Variants in CHRM3 observed in about 807,000 individuals in gnomAD.
CHRM3 encodes muscarinic acetylcholine receptor M3.
CHRM3 carries 11 observed loss-of-function variants against 41.8 expected under a neutral mutation model. The observed-to-expected ratio is 0.26, with a 90% CI of 0.17 to 0.44. CHRM3 has a LOEUF of 0.44. Ranked by LOEUF, CHRM3 falls within the 20% of genes least tolerant of loss-of-function variation. The pLI is 1.00. For synonymous variants in CHRM3, 297 were observed against 301.4 expected (o/e 0.99, Z 0.15); for missense variants, 571 against 745.4 (o/e 0.77, Z 2.72).
intron 5 of CHRM3, among the ~76,000 whole-genome samples, chr1:239,778,378 A>G (rs894628567): frequency 3.3e-5 from 5 of 152,138 alleles, no homozygotes; most frequent in Non-Finnish European, 1.5e-5. Context: ...TACGTCTTAA[A>G]TTTACTTCTG....
intron 4 of CHRM3, among the ~76,000 whole-genome samples, chr1:239,633,261 G>A (rs542695455): frequency 8.1e-4 from 123 of 152,282 alleles, no homozygotes; most frequent in African/African-American, 2.8e-3. Context: ...GTGAGCCACC[G>A]CACCCAGCTA....
chr1:239,813,995 G>A (rs943758726), intron 5 of CHRM3, among the ~76,000 whole-genome samples: 1 of 150,356 alleles, frequency 6.7e-6, no homozygotes, highest in Non-Finnish European at 1.5e-5. Flanking sequence ...GCACCCAGAT[G>A]TCACAATAAT....
chr1:239,910,692 G>A lies in CHRM3; in HGVS notation c.*1468G>A, dbSNP rs1163443181. 1 of 166,200 alleles carries A rather than the reference G, an allele frequency of 6.0e-6. No homozygotes were observed. Among genetic ancestry groups the A allele is most frequent in the Non-Finnish European group, 1.5e-5 (1 of 68,060 alleles). 10.3% of individuals were successfully genotyped at this position (166,200 alleles called of 1,614,324 possible). ...TGCCATCATTGTCGTTGTTGTTGCT[G>A]CTGTAGCTGTTGGGGTTTCTTTTCC... On this transcript the variant is annotated 3_prime_UTR_variant, in exon 7 of 7. Transcript: ENST00000676153.
chr1:239,549,292 G>A (rs1476355188), intron 3 of CHRM3, among the ~76,000 whole-genome samples: 1 of 151,948 alleles, frequency 6.6e-6, no homozygotes, highest in Admixed American at 6.6e-5. Flanking sequence ...TATCTTTGTG[G>A]TTTTATGGTC....
At chr1:239,643,757 C>T (rs534589144) in intron 4 of CHRM3, among the ~76,000 whole-genome samples, 3 of 152,214 alleles carry the variant, frequency 2.0e-5, no homozygotes, top group Non-Finnish European at 4.4e-5. Flanking sequence ...TTGGCTCATG[C>T]ACGGTGCGCT....
intron 1 of CHRM3, among the ~76,000 whole-genome samples, chr1:239,469,770 T>C (rs1938235): frequency 0.23 from 34,278 of 152,014 alleles, 4,386 homozygotes; most frequent in Middle Eastern, 0.35. Flanking sequence ...TTGGCCAGGG[T>C]GGTCCCAAGT....
chr1:239,861,363 T>G (rs975639156), intron 6 of CHRM3, among the ~76,000 whole-genome samples: 4 of 152,042 alleles, frequency 2.6e-5, no homozygotes, highest in African/African-American at 9.7e-5. Flanking sequence ...GGAGTTGAGA[T>G]ATGAAGGATA....
Position 239,443,199 on chromosome 1 carries a change from T to G in CHRM3, c.-520-49510T>G, listed in dbSNP as rs191282912. Reference sequence around the variant, plus strand: ...AATTTACAATATTTGTCTTTGCTCATGTGTGATTACAGTTTTTGGTGTTCA... The same window carrying G: ...AATTTACAATATTTGTCTTTGCTCAGGTGTGATTACAGTTTTTGGTGTTCA... On this transcript the variant is annotated intron_variant, in intron 1 of 6. Transcript: ENST00000676153. Among the ~76,000 whole-genome samples the G allele has an allele frequency of 2.7e-4, 41 of 152,356 alleles. No individual in the cohort carries two copies. The East Asian group carries it at 7.3e-3, about 27-fold the overall frequency.
In CHRM3 at chr1:239,908,364, A is replaced by C; in HGVS notation, c.913A>C (p.Arg305=). ...LQQQSMKRSN[R]RKYGRCHFWF... ...ACAGCAAAGCATGAAACGCTCCAAC[A>C]GGAGGAAGTATGGCCGCTGCCACTT... is the stretch of plus-strand genomic sequence containing the variant. The change falls in exon 7 of 7, where the codon AGG becomes CGG. Residue 305 remains arginine, a synonymous_variant. Coordinates refer to ENST00000676153, the MANE Select transcript of CHRM3 (RefSeq NM_001375978.1). The surrounding 1 kb of genome is among the most constrained non-coding windows in gnomAD (Gnocchi z 7.2). 6.2e-7 allele frequency: 1 copy of C among 1,614,094 alleles called. No homozygotes were observed. Among genetic ancestry groups the C allele is most frequent in the South Asian group, 1.1e-5 (1 of 91,084 alleles).
intron 5 of CHRM3, among the ~76,000 whole-genome samples, chr1:239,814,859 G>A (rs989645830): frequency 2.6e-5 from 4 of 152,046 alleles, no homozygotes; most frequent in Admixed American, 1.3e-4. Flanking sequence ...CTCGGCTCAC[G>A]GCAACCTCTT....
intron 5 of CHRM3, among the ~76,000 whole-genome samples, chr1:239,763,118 T>A (rs1031689058): frequency 1.3e-5 from 2 of 152,202 alleles, no homozygotes; most frequent in African/African-American, 2.4e-5. Context: ...TTTTGCTTTT[T>A]TTGTTTTTCT....
chr1:239,551,254 C>CTA (rs1659796894), intron 3 of CHRM3, among the ~76,000 whole-genome samples: 1 of 149,670 alleles, frequency 6.7e-6, no homozygotes. Flanking sequence ...CCTCCACCTC[C>CTA]CGGGTTCAAG....
At chr1:239,585,017 G>A (rs2148607782) in intron 3 of CHRM3, among the ~76,000 whole-genome samples, 1 of 150,690 alleles carries the variant, frequency 6.6e-6, no homozygotes, top group Non-Finnish European at 1.5e-5. Context: ...TTTGCAACTG[G>A]AAGAGGCAAC....
chr1:239,398,599 T>C (rs1384361786), intron 1 of CHRM3, among the ~76,000 whole-genome samples: 1 of 152,172 alleles, frequency 6.6e-6, no homozygotes, highest in African/African-American at 2.4e-5. Flanking sequence ...ATTGGTATAG[T>C]TAATATGTCT....
intron 5 of CHRM3, among the ~76,000 whole-genome samples, chr1:239,798,052 A>G (rs935208312): frequency 6.6e-6 from 1 of 151,360 alleles, no homozygotes; most frequent in Non-Finnish European, 1.5e-5. Context: ...CTATCTCTAC[A>G]AAAAAAAATG....
At position 239,672,699 on chromosome 1, in the gene CHRM3, G is replaced by A. The variant is rs2149065052; in HGVS notation, c.-249-5487G>A. Among the ~76,000 whole-genome samples the A allele has an allele frequency of 2.0e-5, 3 of 151,902 alleles. 1 individual carries two copies. In the Middle Eastern group the frequency reaches 0.01, roughly 517 times the overall value. On this transcript the variant is annotated intron_variant, in intron 4 of 6. Coordinates refer to ENST00000676153, the MANE Select transcript of CHRM3 (RefSeq NM_001375978.1). The stretch of plus-strand genomic sequence containing the variant: ...CTAACTTATCCAAAGGAGATCAAAC[G>A]GTGCCTGAATTACATTTAACTTTGT...
At chr1:239,550,298 C>T (rs1043915231) in intron 3 of CHRM3, among the ~76,000 whole-genome samples, 11 of 152,146 alleles carry the variant, frequency 7.2e-5, no homozygotes, top group African/African-American at 2.7e-4. Context: ...TCTTTTTCTG[C>T]TCTTCTGTAC....
At chr1:239,711,637 C>G (rs188499721) in intron 5 of CHRM3, among the ~76,000 whole-genome samples, 77 of 151,700 alleles carry the variant, frequency 5.1e-4, no homozygotes, top group African/African-American at 1.8e-3. Flanking sequence ...GCCCCACTCC[C>G]TCCGTCTCTC....
At chr1:239,660,742 A>G (rs1673121915) in intron 4 of CHRM3, among the ~76,000 whole-genome samples, 2 of 152,120 alleles carry the variant, frequency 1.3e-5, no homozygotes. Flanking sequence ...ACAATTACCC[A>G]GTGTGATGGC....
Sources: gnomAD v4.1 joint callset for allele counts (sites outside exome capture counted in the v4.1 genomes callset) on GRCh38, gnomAD v4.1.1 for gene constraint, Gnocchi (gnomAD v3.1) non-coding constraint, MANE v1.5 for transcripts, NCBI Gene and HGNC (gene_info 2026-07-23, HGNC 2026-07-21) for gene names.